The following TUT4 variants were observed in gnomAD, a reference collection of about 807,000 sequenced individuals.
The protein encoded by TUT4 is terminal uridylyl transferase 4.
In TUT4, 36 loss-of-function variants were observed where a neutral mutation model predicts 192.2. The ratio of observed to expected loss-of-function variants is 0.19; its 90% CI spans 0.14 to 0.25. The LOEUF (loss-of-function observed/expected upper bound fraction) is 0.25. Ranked by LOEUF, TUT4 falls within the 10% of genes least tolerant of loss-of-function variation. The probability of loss-of-function intolerance (pLI) is 1.00; values close to 1 mark genes in which losing one functional copy is unlikely to be tolerated. For missense variants in TUT4, 1,493 were observed against 1,957.2 expected, an observed-to-expected ratio of 0.76 and a Z score of 4.47; for synonymous variants, 618 against 666.0, an observed-to-expected ratio of 0.93 and a Z score of 1.11.
Position 52,515,878 on chromosome 1 carries a change from C to T in TUT4, c.882+13G>A. 6.2e-7 allele frequency: 1 copy of T among 1,613,778 alleles called. No individual in the cohort carries two copies. The highest frequency in any genetic ancestry group is 2.2e-5 in the East Asian group (1 of 44,826). On this transcript the variant is annotated intron_variant, in intron 3 of 29. Coordinates refer to ENST00000257177, the MANE Select transcript of TUT4 (RefSeq NM_001009881.3). ...CACATTTCCCCCCAAATAACTAAAA[C>T]AACATAGTATACTTTTTCAAGTCGA...
chr1:52,468,764 C>A (rs915844257), intron 14 of TUT4, among the ~76,000 whole-genome samples: 2 of 152,186 alleles, frequency 1.3e-5, no homozygotes, highest in African/African-American at 4.8e-5. Context: ...TTCTTTAGTT[C>A]TTCAAACTGT....
chr1:52,500,501 G>A (rs990562035), intron 4 of TUT4, among the ~76,000 whole-genome samples: 1 of 152,034 alleles, frequency 6.6e-6, no homozygotes, highest in Non-Finnish European at 1.5e-5. Flanking sequence ...GGTGGCTCAC[G>A]CCTGTAATCC....
chr1:52,537,356 C>A (rs1348423929), intron 1 of TUT4, among the ~76,000 whole-genome samples: 1 of 152,000 alleles, frequency 6.6e-6, no homozygotes, highest in East Asian at 1.9e-4. Context: ...GATAAAATAA[C>A]ACTTTAAGTC....
At chr1:52,442,213 A>G (rs1462594352) in intron 24 of TUT4, among the ~76,000 whole-genome samples, 2 of 145,814 alleles carry the variant, frequency 1.4e-5, no homozygotes, top group Non-Finnish European at 2.9e-5. Flanking sequence ...AGCAGACAAA[A>G]TGTAAGTTAA....
intron 19 of TUT4, among the ~76,000 whole-genome samples, chr1:52,460,338 C>G (rs370949890): frequency 6.6e-6 from 1 of 152,014 alleles, no homozygotes; most frequent in Non-Finnish European, 1.5e-5. Flanking sequence ...AAAAATTAGC[C>G]AGGCATGGTG....
intron 27 of TUT4, chr1:52,433,760 T>C (rs932823422): frequency 2.0e-5 from 3 of 152,216 alleles, no homozygotes; most frequent in Non-Finnish European, 2.9e-5. Context: ...CCTCGGTTTC[T>C]TTACCTATAA....
intron 2 of TUT4, 135 bp from the exon 3 acceptor site, chr1:52,516,189 T>C (rs765350475): frequency 8.3e-6 from 6 of 719,976 alleles, no homozygotes; most frequent in Non-Finnish European, 1.1e-5. Context: ...GTATACAAGT[T>C]GGTATGCATA....
Position 52,435,447 on chromosome 1 carries a change from T to G in TUT4, c.4181A>C (p.Asn1394Thr), listed in dbSNP as rs200195311. ...SSVAAAQLVR[N>T]LVNAQQVAGS... ...AGCCACCTGTTGAGCATTTACAAGG[T>G]TGCGGACCAGCTGGGCTGCTAAGAG... is the stretch of plus-strand genomic sequence containing the variant. The change falls in exon 27 of 30, where the codon AAC (asparagine) becomes ACC (threonine). Residue 1394 changes from asparagine to threonine, a missense_variant. Around this residue, in one of 7 missense-constraint regions of TUT4, gnomAD observed 351 missense variants for 397.8 expected, o/e 0.88. Transcript: ENST00000257177. 1 of 1,614,162 alleles carries G rather than the reference T, an allele frequency of 6.2e-7. No homozygotes were observed. Among genetic ancestry groups the G allele is most frequent in the South Asian group, 1.1e-5 (1 of 91,086 alleles).
chr1:52,539,556 T>A (rs1279504799), intron 1 of TUT4, among the ~76,000 whole-genome samples: 1 of 152,126 alleles, frequency 6.6e-6, no homozygotes, highest in Non-Finnish European at 1.5e-5. Context: ...CACAAGTTCC[T>A]ACAAAAAGTC....
At chr1:52,520,800 CTTTT>C (rs913768037) in intron 2 of TUT4, among the ~76,000 whole-genome samples, 1 of 151,096 alleles carries the variant, frequency 6.6e-6, no homozygotes, top group East Asian at 1.9e-4. Flanking sequence ...ATTTTATTTT[CTTTT>C]TTTTTGAGAT....
chr1:52,544,044 T>C (rs1687415494), intron 1 of TUT4, among the ~76,000 whole-genome samples: 1 of 151,930 alleles, frequency 6.6e-6, no homozygotes. Context: ...ATCCCAGCAC[T>C]TCGGGAGGCC....
rs1670473121 is a variant in TUT4 at position 52,488,923 on chromosome 1, G to A, written c.1501C>T (p.Arg501Cys). Residue 501 changes from arginine (R) to cysteine (C), a missense_variant, in exon 9 of 30, where the codon CGC becomes TGC. Physicochemically the swap from Arg to Cys is radical, Grantham distance 180. This residue lies in a region of TUT4 where 437 missense variants were observed against 577.6 expected (regional missense o/e 0.76). Transcript: ENST00000257177. Reference sequence around the variant, plus strand: ...CTTTCACTTACCTTAGCCCAGTAGCGAAAGGCTAACACCAAGGGAATAAAG... The same window carrying A: ...CTTTCACTTACCTTAGCCCAGTAGCAAAAGGCTAACACCAAGGGAATAAAG... ...PVFIPLVLAFRYWAKLCYIDS... is the reference protein window; with the variant it reads ...PVFIPLVLAFCYWAKLCYIDS... 5 of 1,611,214 alleles carry A rather than the reference G, an allele frequency of 3.1e-6. No individual in the cohort carries two copies. Among genetic ancestry groups the A allele is most frequent in the Non-Finnish European group, 2.5e-6 (3 of 1,178,916 alleles).
chr1:52,466,768 T>C (rs190415628), intron 15 of TUT4, among the ~76,000 whole-genome samples: 10 of 151,100 alleles, frequency 6.6e-5, no homozygotes, highest in African/African-American at 2.4e-4. Context: ...CCTCCCAGGT[T>C]CAAGTGATTC....
At chr1:52,495,370 C>T (rs1672192080) in intron 6 of TUT4, 57 bp downstream of exon 6, 13 of 1,070,622 alleles carry the variant, frequency 1.2e-5, no homozygotes, top group Non-Finnish European at 1.8e-5. Flanking sequence ...AAAGATAATC[C>T]ATAAAAATTA....
chr1:52,510,740 C>T (rs984381442), intron 3 of TUT4, among the ~76,000 whole-genome samples: 12 of 152,154 alleles, frequency 7.9e-5, no homozygotes, highest in African/African-American at 2.9e-4. Context: ...TTCCCCTAAT[C>T]ATCTGATTAA....
chr1:52,504,320 G>A (rs1020048382), intron 4 of TUT4, among the ~76,000 whole-genome samples: 1 of 152,032 alleles, frequency 6.6e-6, no homozygotes, highest in Admixed American at 6.6e-5. Flanking sequence ...CAGAAGCCAG[G>A]GTGAGTGACC....
rs762523565 is a variant in TUT4 at position 52,475,160 on chromosome 1, A to T, written c.2399T>A (p.Leu800His). 1 of 1,614,170 alleles carries T rather than the reference A, an allele frequency of 6.2e-7. No homozygotes were observed. The highest frequency in any genetic ancestry group is 8.5e-7 in the Non-Finnish European group (1 of 1,180,024). Residue 800 changes from leucine (L) to histidine (H), a missense_variant, in exon 13 of 30, where the codon CTT becomes CAT. By Grantham distance (99) the Leu-to-His change is moderately conservative. Around this residue, in one of 7 missense-constraint regions of TUT4, gnomAD observed 245 missense variants for 218.4 expected, o/e 1.12. Transcript: ENST00000257177. ...TATTTCACTGCTTTTGCTGGTAGAA[A>T]GAGATGAAGAGTCCTGTCCGTGGTC... Reference protein sequence around the residue: ...FADHGQDSSSLSTSKSSEIEP... With the variant: ...FADHGQDSSSHSTSKSSEIEP...
At position 52,526,097 on chromosome 1, in the gene TUT4, C is replaced by T; in HGVS notation, c.184G>A (p.Asp62Asn). 1 of 1,609,472 alleles carries T rather than the reference C, an allele frequency of 6.2e-7. No individual in the cohort carries two copies. Among genetic ancestry groups the T allele is most frequent in the East Asian group, 2.2e-5 (1 of 44,822 alleles). The change falls in exon 2 of 30, where the codon GAT becomes AAT. Residue 62 changes from aspartate to asparagine, a missense_variant. This residue lies in a region of TUT4 where 260 missense variants were observed against 247.8 expected (regional missense o/e 1.05). Coordinates refer to ENST00000257177, the MANE Select transcript of TUT4 (RefSeq NM_001009881.3). ...RNSSKKNKQN[D>N]ICIEKTEVKS... ...ACTTCTGTTTTTTCTATACAAATAT[C>T]ATTTTGCTTATTTTTTTTACTACTA...
At chr1:52,487,185 C>T (rs1011830300) in intron 9 of TUT4, among the ~76,000 whole-genome samples, 12 of 152,122 alleles carry the variant, frequency 7.9e-5, no homozygotes, top group Non-Finnish European at 2.9e-5. Context: ...GTGGCTCACA[C>T]CTGTAATCCC....
Sources: gnomAD v4.1 joint callset for allele counts (sites outside exome capture counted in the v4.1 genomes callset) on GRCh38, gnomAD v4.1.1 for gene constraint, gnomAD v4.1.1 regional missense constraint, MANE v1.5 for transcripts, NCBI Gene and HGNC (gene_info 2026-07-23, HGNC 2026-07-21) for gene names.